Variants in KRT83 observed in about 807,000 individuals in gnomAD.
KRT83 encodes the protein keratin 83, also known as keratin, type II cuticular Hb3.
In KRT83, 51 loss-of-function variants were observed where a neutral mutation model predicts 52.9. The observed-to-expected ratio is 0.96, with a 90% confidence interval of 0.77 to 1.22. KRT83 has a LOEUF of 1.22. Among genes scored for constraint, KRT83 ranks in the 50% most tolerant of loss-of-function variants. The pLI is 0.00. For missense variants in KRT83, 654 were observed against 666.5 expected, an observed-to-expected ratio of 0.98 and a Z score of 0.21; for synonymous variants, 278 against 274.1, an observed-to-expected ratio of 1.01 and a Z score of -0.14.
chr12:52,316,356 G>A, intron 6 of KRT83, 112 bp downstream of exon 6: 1 of 1,482,098 alleles, frequency 6.7e-7, no homozygotes, highest in Non-Finnish European at 9.4e-7. Flanking sequence ...ATCTTACTCT[G>A]TCACCCATGA....
chr12:52,315,351 G>A lies in KRT83; in HGVS notation c.1263-8C>T. ...TCAACACCTTCACACAGCCTGAGTG[G>A]GGAAAAAGTAAGGAAGGGGAAGATA... On this transcript the variant is annotated splice_region_variant and splice_polypyrimidine_tract_variant and intron_variant, in intron 7 of 8. Transcript: ENST00000293670. 1 of 1,613,556 alleles carries A rather than the reference G, an allele frequency of 6.2e-7. No homozygotes were observed. Among genetic ancestry groups the A allele is most frequent in the Non-Finnish European group, 8.5e-7 (1 of 1,179,616 alleles).
chr12:52,316,135 G>C, intron 6 of KRT83, 22 bp from the exon 7 acceptor site: 1 of 1,613,092 alleles, frequency 6.2e-7, no homozygotes, highest in Non-Finnish European at 8.5e-7. Context: ...GGGGAATATG[G>C]AGAGGATAAA....
intron 4 of KRT83, 50 bp downstream of exon 4, chr12:52,317,631 C>T (rs550808670): frequency 1.9e-5 from 30 of 1,589,080 alleles, no homozygotes; most frequent in Admixed American, 3.3e-5. Context: ...GGCAGAGGGT[C>T]AGGGATCCCA....
chr12:52,320,045 C>T (rs2121347212), intron 1 of KRT83, among the ~76,000 whole-genome samples: 1 of 152,334 alleles, frequency 6.6e-6, no homozygotes, highest in African/African-American at 2.4e-5. Flanking sequence ...GAACATCCCT[C>T]TCCCAGCGAT....
chr12:52,320,501 G>T (rs1018917135), intron 1 of KRT83, among the ~76,000 whole-genome samples: 2 of 152,178 alleles, frequency 1.3e-5, no homozygotes, highest in African/African-American at 4.8e-5. Context: ...AAATACTCTA[G>T]ACCCTGCTCA....
chr12:52,316,542 T>G lies in KRT83; in HGVS notation c.967A>C (p.Thr323Pro), dbSNP rs752671222. Residue 323 changes from threonine (T) to proline (P), a missense_variant, in exon 6 of 9, where the codon ACC becomes CCC. Coordinates refer to ENST00000293670, the MANE Select transcript of KRT83 (RefSeq NM_002282.3). ...TTCAGCTCGTTGATCTCCTCCTTGG[T>G]GCGGCGCAGGGTCTCCCCGTGCCTG... ...VIRHGETLRR[T>P]KEEINELNRM... 5 of 1,614,044 alleles carry G rather than the reference T, an allele frequency of 3.1e-6. No individual in the cohort carries two copies. The East Asian group carries it at 1.1e-4, about 36-fold the overall frequency.
chr12:52,317,412 C>G (rs1471752205), intron 4 of KRT83, among the ~76,000 whole-genome samples: 1 of 152,194 alleles, frequency 6.6e-6, no homozygotes, highest in African/African-American at 2.4e-5. Flanking sequence ...ATGCTGCAGT[C>G]CACTGGCTCA....
rs139308736 is a variant in KRT83, at chr12:52,317,016, C to A, written c.758G>T (p.Arg253Leu). ...GTCTGAGATGTGGGATTGGAGAATG[C>A]GGATCTCCTGCAGGAGGTGGGGAAA... ...FLRRLYEEEI[R>L]ILQSHISDTS... The change falls in exon 5 of 9, where the codon CGC (arginine) becomes CTC (leucine). Residue 253 changes from arginine (R) to leucine (L), a missense_variant. Arg to Leu is a moderately radical substitution (Grantham distance 102, BLOSUM62 -2). Transcript: ENST00000293670. 11 of 1,614,020 alleles carry A rather than the reference C, an allele frequency of 6.8e-6. No individual in the cohort carries two copies. The East Asian group carries it at 2.0e-4, about 29-fold the overall frequency.
chr12:52,315,426 T>TGACC, intron 7 of KRT83, 83 bp from the exon 8 acceptor site: 1 of 1,367,214 alleles, frequency 7.3e-7, no homozygotes, highest in Non-Finnish European at 1.0e-6. Flanking sequence ...CTGAAATGGG[T>TGACC]CATCTCAGGG....
chr12:52,316,438 T>C, intron 6 of KRT83, 30 bp downstream of exon 6: 1 of 1,614,008 alleles, frequency 6.2e-7, no homozygotes, highest in Non-Finnish European at 8.5e-7. Context: ...AGTCTCTTCC[T>C]ACACTGAGGG....
rs1284194324 is a variant in KRT83, at chr12:52,316,524, C to T, written c.985G>A (p.Glu329Lys). The T allele has an allele frequency of 2.5e-6, 4 of 1,614,050 alleles. No homozygotes were observed. The highest frequency in any genetic ancestry group is 2.5e-6 in the Non-Finnish European group (3 of 1,180,042). Residue 329 changes from glutamate to lysine, a missense_variant, in exon 6 of 9, where the codon GAG becomes AAG. Physicochemically the swap from Glu to Lys is moderately conservative, Grantham distance 56. Transcript: ENST00000293670. ...AGCCTCTGGATCATGCGGTTCAGCT[C>T]GTTGATCTCCTCCTTGGTGCGGCGC... The part of the protein sequence containing the change: ...TLRRTKEEIN[E>K]LNRMIQRLTA...
chr12:52,315,214 A>G lies in KRT83; in HGVS notation c.1294+98T>C, dbSNP rs1330707436. Reference sequence around the variant, plus strand: ...ACCTATCCTCTTTACTGGGGGAATTATTGGAAACACTCCTCCCAAAGTCTC... The same window carrying G: ...ACCTATCCTCTTTACTGGGGGAATTGTTGGAAACACTCCTCCCAAAGTCTC... On this transcript the variant is annotated intron_variant, in intron 8 of 8. Transcript: ENST00000293670. 2.1e-5 allele frequency: 27 copies of G among 1,277,126 alleles called. No homozygotes were observed. The Admixed American group carries it at 3.0e-4, about 14-fold the overall frequency. The allele number at this position is 1,277,126 out of a possible 1,614,324, so 79.1% of individuals were successfully genotyped here. A position where few individuals can be genotyped will look rare whatever the true frequency, so the allele number is the denominator to read the frequency against.
rs1362210088 is a variant in KRT83, at chr12:52,317,560, C to T, written c.750+121G>A. ...TTCCCTCTCCTTGCTCCCTGCCAAC[C>T]CTCCAGCCGTGAGCCTGGGTTCATA... On this transcript the variant is annotated intron_variant, in intron 4 of 8. Transcript: ENST00000293670. 6 of 1,176,970 alleles carry T rather than the reference C, an allele frequency of 5.1e-6. No homozygotes were observed. In the African/African-American group the frequency reaches 6.1e-5, roughly 12 times the overall value. The allele number at this position is 1,176,970 out of a possible 1,614,324, so 72.9% of individuals were successfully genotyped here.
chr12:52,320,822 G>A, intron 1 of KRT83, 130 bp downstream of exon 1: 1 of 1,570,542 alleles, frequency 6.4e-7, no homozygotes, highest in Non-Finnish European at 8.7e-7. Flanking sequence ...CTAGAAGTAT[G>A]ACTACCTTTC....
chr12:52,320,914 A>G (rs747396835), intron 1 of KRT83, 38 bp downstream of exon 1: 51 of 1,613,558 alleles, frequency 3.2e-5, no homozygotes, highest in Non-Finnish European at 4.2e-5. Context: ...GAACATGAGT[A>G]GGGGTTCAGG....
chr12:52,314,377 C>A lies in KRT83; in HGVS notation c.*254G>T. The A allele has an allele frequency of 1.7e-6, 1 of 572,940 alleles. No homozygotes were observed. The highest frequency in any genetic ancestry group is 2.0e-5 in the South Asian group (1 of 50,376). The allele number at this position is 572,940 out of a possible 1,614,324, so 35.5% of individuals were successfully genotyped here. On this transcript the variant is annotated 3_prime_UTR_variant, in exon 9 of 9. Transcript: ENST00000293670. ...GGGGAACAGTCTCACAGTGCTTCTTCCAGGGAAGCAAGGCCCTTCTCCCCG... is the reference window on the plus strand; with the variant it reads ...GGGGAACAGTCTCACAGTGCTTCTTACAGGGAAGCAAGGCCCTTCTCCCCG...
At chr12:52,317,189 G>A (rs965131573) in intron 4 of KRT83, among the ~76,000 whole-genome samples, 166 bp from the exon 5 acceptor site, 5 of 152,222 alleles carry the variant, frequency 3.3e-5, no homozygotes, top group African/African-American at 1.2e-4. Context: ...CCCTTTAGAG[G>A]AAAACACAAC....
intron 6 of KRT83, 62 bp downstream of exon 6, chr12:52,316,406 C>T (rs542903703): frequency 1.2e-6 from 2 of 1,611,448 alleles, no homozygotes; most frequent in South Asian, 1.1e-5. Flanking sequence ...TAACTCAAAT[C>T]CCTCTGCCGA....
At chr12:52,316,615 A>T (rs1217063348) in intron 5 of KRT83, 22 bp from the exon 6 acceptor site, 6 of 1,614,052 alleles carry the variant, frequency 3.7e-6, no homozygotes, top group Admixed American at 1.7e-5. Flanking sequence ...AGAGATGTTC[A>T]TGAGGCTCAG....
Sources: gnomAD v4.1 joint callset for allele counts (sites outside exome capture counted in the v4.1 genomes callset) on GRCh38, gnomAD v4.1.1 for gene constraint, MANE v1.5 for transcripts, NCBI Gene and HGNC (gene_info 2026-07-23, HGNC 2026-07-21) for gene names.